Variants in COL23A1 observed in about 807,000 individuals in gnomAD.
The protein encoded by COL23A1 is collagen alpha-1(XXIII) chain.
Under a neutral mutation model 99.3 loss-of-function variants are expected in COL23A1, and 97 were observed. The observed-to-expected ratio is 0.98, with a 90% confidence interval of 0.83 to 1.16. The LOEUF is 1.16. Among genes scored for constraint, COL23A1 ranks in the 50% most tolerant of loss-of-function variants. The pLI is 0.00. For missense variants in COL23A1, 762 were observed against 757.4 expected, an observed-to-expected ratio of 1.01 and a Z score of -0.07; for synonymous variants, 320 against 308.2, an observed-to-expected ratio of 1.04 and a Z score of -0.40.
rs540612025 is a variant in COL23A1, at chr5:178,456,566, C to T, written c.361+104116G>A. On this transcript the variant is annotated intron_variant, in intron 2 of 28. Coordinates refer to ENST00000390654, the MANE Select transcript of COL23A1 (RefSeq NM_173465.4). ...ATACAAAATTAGCTGGGCGTGGTGG[C>T]GAATGCCTGTAATCCCAGCTACTCA... Among the ~76,000 whole-genome samples, 25 of 152,182 alleles carry T rather than the reference C, an allele frequency of 1.6e-4. No homozygotes were observed. The South Asian group carries it at 4.6e-3, about 28-fold the overall frequency.
intron 2 of COL23A1, among the ~76,000 whole-genome samples, chr5:178,396,843 G>A (rs2127758536): frequency 6.6e-6 from 1 of 151,952 alleles, no homozygotes; most frequent in African/African-American, 2.4e-5. Flanking sequence ...TCCTCCGAGA[G>A]TCTCTCCCCG....
intron 2 of COL23A1, among the ~76,000 whole-genome samples, chr5:178,502,948 G>A (rs572142366): frequency 1.3e-5 from 2 of 152,304 alleles, no homozygotes; most frequent in African/African-American, 2.4e-5. Context: ...GACAGCTCCC[G>A]ACCACCAGCA....
intron 18 of COL23A1, 86 bp downstream of exon 18, chr5:178,249,975 A>G: frequency 6.2e-6 from 9 of 1,459,638 alleles, no homozygotes; most frequent in Non-Finnish European, 8.6e-6. Context: ...CTCTGTGCAC[A>G]CATGCACACG....
At chr5:178,457,370 C>T (rs1382832146) in intron 2 of COL23A1, among the ~76,000 whole-genome samples, 1 of 152,104 alleles carries the variant, frequency 6.6e-6, no homozygotes, top group Non-Finnish European at 1.5e-5. Flanking sequence ...CCCGCCACCA[C>T]GCCCGGCTAA....
intron 25 of COL23A1, among the ~76,000 whole-genome samples, chr5:178,245,697 T>A (rs1764654785): frequency 6.6e-6 from 1 of 152,204 alleles, no homozygotes; most frequent in Non-Finnish European, 1.5e-5. Context: ...TGTCCATCCA[T>A]CCTCCATCTA....
At chr5:178,347,399 G>A (rs1486553598) in intron 2 of COL23A1, among the ~76,000 whole-genome samples, 1 of 151,958 alleles carries the variant, frequency 6.6e-6, no homozygotes, top group African/African-American at 2.4e-5. Flanking sequence ...GTAGACACGG[G>A]GATGCCAGAG....
At chr5:178,464,970 C>A (rs542280974) in intron 2 of COL23A1, among the ~76,000 whole-genome samples, 1 of 152,330 alleles carries the variant, frequency 6.6e-6, no homozygotes, top group South Asian at 2.1e-4. Context: ...TATGGAACAA[C>A]GCCTTGTAAA....
At chr5:178,407,661 T>C (rs1000765181) in intron 2 of COL23A1, among the ~76,000 whole-genome samples, 4 of 152,130 alleles carry the variant, frequency 2.6e-5, no homozygotes, top group African/African-American at 9.7e-5. Flanking sequence ...CTGGAAATGT[T>C]AGAAGTGAAA....
intron 6 of COL23A1, among the ~76,000 whole-genome samples, chr5:178,269,474 C>CCCACCCATCCACCCACCCATCCACCCAT (rs1756133091): frequency 1.4e-5 from 1 of 70,960 alleles, no homozygotes; most frequent in Non-Finnish European, 2.5e-5. Context: ...CACCCATCCA[C>CCCACCCATCCACCCACCCATCCACCCAT]CCACCCATCC....
chr5:178,511,299 G>C (rs1389292714), intron 2 of COL23A1, among the ~76,000 whole-genome samples: 11 of 152,166 alleles, frequency 7.2e-5, no homozygotes, highest in Non-Finnish European at 1.2e-4. Context: ...ACAGTTCTGT[G>C]ACATTTGAAT....
In COL23A1 at chr5:178,590,082, A is replaced by G; in HGVS notation, c.116T>C (p.Leu39Pro). Residue 39 changes from leucine to proline, a missense_variant, in exon 1 of 29, where the codon CTG (leucine) becomes CCG (proline). Transcript: ENST00000390654. This position sits in a 1 kb window ranked among gnomAD's most constrained non-coding sequence, Gnocchi z 5.7. ...CGAGCCCACGGAGAGCAGCAGGCAC[A>G]GCGCGCTCACCGCCCGGGACCCGGC... ...TTAGSRAVSA[L>P]CLLLSVGSAA... 7.6e-7 allele frequency: 1 copy of G among 1,311,602 alleles called. No individual in the cohort carries two copies. The highest frequency in any genetic ancestry group is 9.7e-7 in the Non-Finnish European group (1 of 1,026,686). 81.2% of individuals were successfully genotyped at this position (1,311,602 alleles called of 1,614,324 possible).
At chr5:178,328,412 CCTT>C in intron 2 of COL23A1, among the ~76,000 whole-genome samples, 1 of 152,336 alleles carries the variant, frequency 6.6e-6, no homozygotes, top group African/African-American at 2.4e-5. Context: ...TCCACGGCCA[CCTT>C]CTTAGCGCAG....
intron 2 of COL23A1, among the ~76,000 whole-genome samples, chr5:178,364,814 G>A (rs536268375): frequency 6.6e-6 from 1 of 152,204 alleles, no homozygotes; most frequent in African/African-American, 2.4e-5. Context: ...AACTGCACAG[G>A]GGCTCCCCCT....
chr5:178,485,790 A>AC (rs1362098968), intron 2 of COL23A1, among the ~76,000 whole-genome samples: 1 of 151,322 alleles, frequency 6.6e-6, no homozygotes, highest in African/African-American at 2.4e-5. Context: ...AAAAAAAAAA[A>AC]AAAAAAAACA....
intron 2 of COL23A1, among the ~76,000 whole-genome samples, chr5:178,364,533 T>C (rs1762358607): frequency 6.6e-6 from 1 of 151,104 alleles, no homozygotes; most frequent in Admixed American, 6.6e-5. Context: ...GTTGAGGCCA[T>C]GATCATCCCT....
rs201536662 is a variant in COL23A1, at chr5:178,263,264, G to A, written c.583C>T (p.Arg195Trp). The change falls in exon 9 of 29, where the codon CGG (arginine) becomes TGG (tryptophan). Residue 195 changes from arginine (R) to tryptophan (W), a missense_variant. Coordinates refer to ENST00000390654, the MANE Select transcript of COL23A1 (RefSeq NM_173465.4). Reference protein sequence around the residue: ...PPGPPGPPGARGPPGDTGKDG... With the variant: ...PPGPPGPPGAWGPPGDTGKDG... The stretch of plus-strand genomic sequence containing the variant: ...TTCCCAGTGTCGCCAGGAGGGCCCC[G>A]GGCCCCAGGAGGTCCAGGGGGCCCC... 9.5e-5 allele frequency: 153 copies of A among 1,613,222 alleles called. 1 individual carries two copies. Among genetic ancestry groups the A allele is most frequent in the East Asian group, 6.2e-4 (28 of 44,842 alleles).
At chr5:178,416,435 G>A (rs1765314934) in intron 2 of COL23A1, among the ~76,000 whole-genome samples, 1 of 152,200 alleles carries the variant, frequency 6.6e-6, no homozygotes, top group Admixed American at 6.5e-5. Context: ...GGAAAACCCC[G>A]AGGGAGGCAG....
intron 14 of COL23A1, 137 bp from the exon 15 acceptor site, chr5:178,256,534 A>G: frequency 1.3e-6 from 1 of 748,268 alleles, no homozygotes; most frequent in Non-Finnish European, 2.1e-6. Context: ...AATGTATGAG[A>G]ACAGCACTCC....
At chr5:178,273,109 C>T (rs1756386648) in intron 5 of COL23A1, among the ~76,000 whole-genome samples, 1 of 152,200 alleles carries the variant, frequency 6.6e-6, no homozygotes, top group South Asian at 2.1e-4. Context: ...GCCTCGGAAA[C>T]CTCTGTTAAA....
Sources: allele counts gnomAD v4.1 joint callset (sites outside exome capture counted in the v4.1 genomes callset), GRCh38; gene constraint gnomAD v4.1.1; non-coding constraint Gnocchi (gnomAD v3.1); transcripts MANE v1.5; gene names NCBI Gene and HGNC (gene_info 2026-07-23, HGNC 2026-07-21).